TNNI3K: variants seen among roughly 807,000 people sequenced by gnomAD.
TNNI3K encodes the protein serine/threonine-protein kinase TNNI3K.
TNNI3K carries 140 observed loss-of-function variants against 114.5 expected under a neutral mutation model. That is an observed-to-expected ratio of 1.22 (90% CI 1.07 to 1.41). TNNI3K has a LOEUF of 1.41. TNNI3K is among the 40% of genes most tolerant of loss of function. TNNI3K has a pLI of 0.00. For synonymous variants in TNNI3K, 347 were observed against 347.5 expected (o/e 1.00, Z 0.02); for missense variants, 1,125 against 1,007.6 (o/e 1.12, Z -1.58).
chr1:74,314,109 A>G (rs931842396), intron 5 of TNNI3K, among the ~76,000 whole-genome samples: 8 of 146,422 alleles, frequency 5.5e-5, no homozygotes, highest in African/African-American at 1.8e-4. Context: ...ATGGATTTCA[A>G]GTTCTAAAGT....
intron 4 of TNNI3K, among the ~76,000 whole-genome samples, chr1:74,268,739 G>A (rs138509210): frequency 3.4e-4 from 52 of 151,918 alleles, no homozygotes; most frequent in African/African-American, 1.2e-3. Context: ...TCTAATTAGG[G>A]AGGCTAATTC....
Position 74,369,188 on chromosome 1 carries a change from T to C in TNNI3K, c.1415-19T>C. The C allele has an allele frequency of 6.2e-7, 1 of 1,605,412 alleles. No homozygotes were observed. Among genetic ancestry groups the C allele is most frequent in the Non-Finnish European group, 8.5e-7 (1 of 1,176,448 alleles). On this transcript the variant is annotated intron_variant, in intron 14 of 24. Coordinates refer to ENST00000326637, the MANE Select transcript of TNNI3K (RefSeq NM_015978.3). ...CTTAAGTTAATATGTGTTTATTTAT[T>C]TATTTTAAACAATTGTAGGTTCTTT...
At chr1:74,421,013 T>G (rs1156861212) in intron 17 of TNNI3K, among the ~76,000 whole-genome samples, 2 of 152,142 alleles carry the variant, frequency 1.3e-5, no homozygotes, top group African/African-American at 4.8e-5. Flanking sequence ...AACTCCCACA[T>G]GCTTAGCGTT....
rs559746238 is a variant in TNNI3K, at chr1:74,481,090, C to T, written c.2122-8099C>T. The T allele has an allele frequency of 2.3e-4, 131 of 578,882 alleles. 1 individual carries two copies. In the African/African-American group the frequency reaches 2.3e-3, roughly 10 times the overall value. The allele number at this position is 578,882 out of a possible 1,614,324, so 35.9% of individuals were successfully genotyped here. A position where few individuals can be genotyped will look rare whatever the true frequency, so the allele number is the denominator to read the frequency against. ...TTATCACCTGGGTAAAAACAATAAA[C>T]AATACAAAAAATGAAAATGATTTTC... On this transcript the variant is annotated intron_variant, in intron 21 of 24. Coordinates refer to ENST00000326637, the MANE Select transcript of TNNI3K (RefSeq NM_015978.3).
chr1:74,413,042 T>C (rs555978511), intron 17 of TNNI3K, among the ~76,000 whole-genome samples: 1 of 152,312 alleles, frequency 6.6e-6, no homozygotes, highest in African/African-American at 2.4e-5. Context: ...AAAACAGGTG[T>C]TATTAGTGAT....
chr1:74,449,362 T>G (rs952282225), intron 20 of TNNI3K, among the ~76,000 whole-genome samples: 8 of 151,634 alleles, frequency 5.3e-5, no homozygotes, highest in Non-Finnish European at 1.2e-4. Flanking sequence ...CTTTTTTTCT[T>G]TATTAGTCTT....
intron 21 of TNNI3K, chr1:74,475,552 G>A (rs748867469): frequency 1.4e-5 from 10 of 717,256 alleles, no homozygotes; most frequent in South Asian, 8.9e-5. Flanking sequence ...CTCAGAGGCC[G>A]ATGTTGCTTG....
At chr1:74,387,092 G>T (rs1663523045) in intron 17 of TNNI3K, among the ~76,000 whole-genome samples, 1 of 152,068 alleles carries the variant, frequency 6.6e-6, no homozygotes, top group South Asian at 2.1e-4. Flanking sequence ...GATAGTTTTT[G>T]CTGAAAGAAA....
At chr1:74,472,163 G>A (rs61729310) in intron 21 of TNNI3K, 16 of 716,912 alleles carry the variant, frequency 2.2e-5, no homozygotes, top group African/African-American at 2.1e-4. Context: ...GCTGAAGCGG[G>A]TGTTGCATAT....
intron 20 of TNNI3K, among the ~76,000 whole-genome samples, chr1:74,447,322 T>C (rs1157734533): frequency 6.7e-6 from 1 of 150,120 alleles, no homozygotes; most frequent in Non-Finnish European, 1.5e-5. Context: ...GGGAGTTCAC[T>C]CATGATTTGG....
chr1:74,539,200 T>C (rs1378535442), intron 23 of TNNI3K, among the ~76,000 whole-genome samples: 1 of 152,052 alleles, frequency 6.6e-6, no homozygotes, highest in East Asian at 1.9e-4. Flanking sequence ...AGGACTTGAA[T>C]TGAGTGAGAA....
chr1:74,489,134 G>A, intron 21 of TNNI3K, 55 bp from the exon 22 acceptor site: 1 of 1,490,972 alleles, frequency 6.7e-7, no homozygotes, highest in Non-Finnish European at 9.2e-7. Flanking sequence ...AACATCCAAA[G>A]AGAGTCTCCT....
chr1:74,481,181 CTGTGACATGTT>C (rs1668483090), intron 21 of TNNI3K, among the ~76,000 whole-genome samples: 1 of 152,172 alleles, frequency 6.6e-6, no homozygotes, highest in Admixed American at 6.5e-5. Context: ...TTCTTTGCTG[CTGTGACATGTT>C]TGTTTGAGAA....
Position 74,252,791 on chromosome 1 carries a change from G to T in TNNI3K, c.333+2022G>T, listed in dbSNP as rs1655018019. 2.6e-5 allele frequency among the ~76,000 whole-genome samples: 4 copies of T among 152,282 alleles called. No individual in the cohort carries two copies. The South Asian group carries it at 6.2e-4, about 24-fold the overall frequency. Reference sequence around the variant, plus strand: ...GAAGCTGCAGACCTTCGCGGTGAGTGTTACAGCTCATAAAGGCAGTGTGGA... The same window carrying T: ...GAAGCTGCAGACCTTCGCGGTGAGTTTTACAGCTCATAAAGGCAGTGTGGA... On this transcript the variant is annotated intron_variant, in intron 4 of 24. Transcript: ENST00000326637.
chr1:74,490,084 A>C (rs1245919733), intron 22 of TNNI3K, among the ~76,000 whole-genome samples: 2 of 150,874 alleles, frequency 1.3e-5, no homozygotes, highest in East Asian at 3.9e-4. Flanking sequence ...AAACTCAACT[A>C]AGAGTCATTG....
In TNNI3K at chr1:74,369,724, G is replaced by A. The variant is rs528017143; in HGVS notation, c.1667+139G>A. ...TAGCAAGTGTGTCATTTTTAATATC[G>A]CTAATAATTTATGCCTAATAACTGT... On this transcript the variant is annotated intron_variant, in intron 16 of 24. Transcript: ENST00000326637. 9.7e-5 allele frequency: 94 copies of A among 974,052 alleles called. No homozygotes were observed. The African/African-American group carries it at 1.1e-3, about 12-fold the overall frequency. 60.3% of individuals were successfully genotyped at this position (974,052 alleles called of 1,614,324 possible). A position where few individuals can be genotyped will look rare whatever the true frequency, so the allele number is the denominator to read the frequency against.
At chr1:74,475,489 A>G in intron 21 of TNNI3K, 2 of 716,824 alleles carry the variant, frequency 2.8e-6, no homozygotes, top group Admixed American at 2.0e-5. Flanking sequence ...AGTGCTGCCT[A>G]CCCCACGGTC....
At chr1:74,475,730 C>A (rs1227696193) in intron 21 of TNNI3K, 3 of 687,010 alleles carry the variant, frequency 4.4e-6, no homozygotes, top group South Asian at 1.6e-5. Flanking sequence ...CAAAGGTTTT[C>A]TGATGTGTGT....
At chr1:74,426,118 T>C (rs1042145019) in intron 17 of TNNI3K, among the ~76,000 whole-genome samples, 5 of 152,144 alleles carry the variant, frequency 3.3e-5, no homozygotes, top group African/African-American at 7.2e-5. Flanking sequence ...GGGCATTTAG[T>C]TTCCCTGTGT....
Sources: allele counts gnomAD v4.1 joint callset (sites outside exome capture counted in the v4.1 genomes callset), GRCh38; gene constraint gnomAD v4.1.1; transcripts MANE v1.5; gene names NCBI Gene and HGNC (gene_info 2026-07-23, HGNC 2026-07-21).